The following GALNTL6 variants were observed in gnomAD, a reference collection of about 807,000 sequenced individuals.
The protein encoded by GALNTL6 is polypeptide N-acetylgalactosaminyltransferase like 6.
GALNTL6 carries 46 observed loss-of-function variants against 73.7 expected under a neutral mutation model. The ratio of observed to expected loss-of-function variants is 0.62; its 90% CI spans 0.49 to 0.80. The LOEUF is 0.80. Among genes scored for constraint, GALNTL6 ranks in the 30% least tolerant of loss-of-function variants. The probability of loss-of-function intolerance (pLI) is 0.00; values close to 1 mark genes in which losing one functional copy is unlikely to be tolerated. For missense variants in GALNTL6, 604 were observed against 755.0 expected (o/e 0.80, Z 2.34); for synonymous variants, 259 against 263.7 (o/e 0.98, Z 0.17).
chr4:172,482,304 C>T (rs2111485437), intron 5 of GALNTL6, among the ~76,000 whole-genome samples: 1 of 152,356 alleles, frequency 6.6e-6, no homozygotes, highest in Non-Finnish European at 1.5e-5. Flanking sequence ...CTCCGACAGC[C>T]CAGAGAGGGG....
At chr4:172,904,635 C>T (rs1369606468) in intron 8 of GALNTL6, among the ~76,000 whole-genome samples, 1 of 152,146 alleles carries the variant, frequency 6.6e-6, no homozygotes, top group East Asian at 1.9e-4. Context: ...GCCCCTTCCT[C>T]TCCACCCTGG....
chr4:172,420,481 A>G lies in GALNTL6; in HGVS notation c.553+71792A>G, dbSNP rs181460295. On this transcript the variant is annotated intron_variant, in intron 5 of 12. Coordinates refer to ENST00000506823, the MANE Select transcript of GALNTL6 (RefSeq NM_001034845.3). The stretch of plus-strand genomic sequence containing the variant: ...TGTGTTTTTTAAGTGATTTAGTATG[A>G]ATGTAACTACATATGGAGAGTAATA... 2.6e-3 allele frequency among the ~76,000 whole-genome samples: 399 copies of G among 152,288 alleles called. 3 individuals are homozygous for G. Among genetic ancestry groups the G allele is most frequent in the South Asian group, 0.015 (70 of 4,822 alleles).
In GALNTL6 at chr4:171,963,355, T is replaced by C. The variant is rs1579011569; in HGVS notation, c.138+148637T>C. ...ACATATCCATATATTTATAGAAGGATTATAGAAAAAGGTCTGAGCCTTTCT... is the reference window on the plus strand; with the variant it reads ...ACATATCCATATATTTATAGAAGGACTATAGAAAAAGGTCTGAGCCTTTCT... On this transcript the variant is annotated intron_variant, in intron 2 of 12. Transcript: ENST00000506823. 2.0e-5 allele frequency among the ~76,000 whole-genome samples: 3 copies of C among 152,254 alleles called. No homozygotes were observed. The East Asian group carries it at 5.8e-4, about 29-fold the overall frequency.
At chr4:172,074,747 A>G (rs1414878771) in intron 2 of GALNTL6, among the ~76,000 whole-genome samples, 1 of 152,154 alleles carries the variant, frequency 6.6e-6, no homozygotes, top group Admixed American at 6.5e-5. Context: ...AGCAAACAAC[A>G]TTGTCAAATT....
intron 2 of GALNTL6, among the ~76,000 whole-genome samples, chr4:172,046,309 T>G (rs1183445952): frequency 3.9e-5 from 6 of 152,078 alleles, no homozygotes; most frequent in Non-Finnish European, 8.8e-5. Flanking sequence ...CAAATTTTAG[T>G]TTATTATTAT....
chr4:171,930,096 T>G (rs2110994946), intron 2 of GALNTL6, among the ~76,000 whole-genome samples: 1 of 152,330 alleles, frequency 6.6e-6, no homozygotes, highest in East Asian at 1.9e-4. Context: ...GTGGCCAGCC[T>G]CCTGGATATA....
At chr4:173,009,326 GA>G (rs776745901) in intron 11 of GALNTL6, 32 bp downstream of exon 11, 24 of 1,304,944 alleles carry the variant, frequency 1.8e-5, no homozygotes, top group Non-Finnish European at 2.6e-5. Flanking sequence ...AGGGCAGTGG[GA>G]ACCAGTCGGG....
At chr4:172,865,406 T>A (rs534110832) in intron 7 of GALNTL6, among the ~76,000 whole-genome samples, 5 of 152,198 alleles carry the variant, frequency 3.3e-5, no homozygotes, top group Admixed American at 6.5e-5. Flanking sequence ...GAGTCCAAAG[T>A]GACATCTGGT....
chr4:172,150,145 T>C (rs545651513), intron 2 of GALNTL6, among the ~76,000 whole-genome samples: 1 of 152,322 alleles, frequency 6.6e-6, no homozygotes, highest in Admixed American at 6.5e-5. Flanking sequence ...TCAGCTCTCT[T>C]GGAATCTTTC....
chr4:172,675,326 G>C (rs958509930), intron 5 of GALNTL6, among the ~76,000 whole-genome samples: 1 of 152,208 alleles, frequency 6.6e-6, no homozygotes, highest in African/African-American at 2.4e-5. Context: ...GGCTCCCCAA[G>C]GTTTGGAATC....
chr4:172,853,397 G>A (rs1332358044), intron 7 of GALNTL6, among the ~76,000 whole-genome samples: 1 of 152,154 alleles, frequency 6.6e-6, no homozygotes, highest in Non-Finnish European at 1.5e-5. Flanking sequence ...TAATCACATC[G>A]TGTACCTCCT....
At chr4:172,665,464 C>G (rs1032288346) in intron 5 of GALNTL6, among the ~76,000 whole-genome samples, 3 of 152,124 alleles carry the variant, frequency 2.0e-5, no homozygotes, top group African/African-American at 7.2e-5. Context: ...TTAAAGGTAG[C>G]CATGGTTTAC....
chr4:172,927,789 C>A (rs1200413061), intron 8 of GALNTL6, among the ~76,000 whole-genome samples: 1 of 152,106 alleles, frequency 6.6e-6, no homozygotes, highest in Non-Finnish European at 1.5e-5. Context: ...GTTTCAAAAA[C>A]AAATGCCCCA....
chr4:172,378,070 A>C (rs941163283), intron 5 of GALNTL6, among the ~76,000 whole-genome samples: 2 of 152,174 alleles, frequency 1.3e-5, no homozygotes, highest in Admixed American at 1.3e-4. Context: ...AGAGCGAGTG[A>C]GGGCTGCCAG....
At chr4:172,159,428 A>G (rs1734385998) in intron 2 of GALNTL6, among the ~76,000 whole-genome samples, 1 of 152,222 alleles carries the variant, frequency 6.6e-6, no homozygotes, top group Admixed American at 6.5e-5. Flanking sequence ...TTGAAAGAAT[A>G]GATACTCAGA....
chr4:172,207,042 C>T (rs753155317), intron 2 of GALNTL6, among the ~76,000 whole-genome samples: 7 of 151,390 alleles, frequency 4.6e-5, no homozygotes, highest in South Asian at 4.2e-4. Context: ...TGATCTCAAT[C>T]TCCTGACCTC....
intron 2 of GALNTL6, among the ~76,000 whole-genome samples, chr4:172,206,810 TTTTG>T (rs1236416631): frequency 2.9e-5 from 1 of 33,982 alleles, no homozygotes; most frequent in African/African-American, 8.4e-5. Context: ...TTTCTGTTTT[TTTTG>T]TTTGTTTTTT....
intron 2 of GALNTL6, among the ~76,000 whole-genome samples, chr4:172,010,205 G>A (rs978117632): frequency 9.2e-5 from 14 of 152,026 alleles, no homozygotes; most frequent in African/African-American, 3.4e-4. Flanking sequence ...ATTTTATACA[G>A]TAATAAAAGC....
chr4:172,332,278 G>C (rs1421934366), intron 4 of GALNTL6, among the ~76,000 whole-genome samples: 4 of 151,846 alleles, frequency 2.6e-5, no homozygotes, highest in African/African-American at 9.7e-5. Context: ...GAGAAATCTT[G>C]CTACATATAT....
Sources: allele counts gnomAD v4.1 joint callset (sites outside exome capture counted in the v4.1 genomes callset), GRCh38; gene constraint gnomAD v4.1.1; transcripts MANE v1.5; gene names NCBI Gene and HGNC (gene_info 2026-07-23, HGNC 2026-07-21).